Variants in HDAC9 observed in about 807,000 individuals in gnomAD.
HDAC9 encodes the protein MEF-2 interacting transcription repressor (MITR) protein.
A neutral mutation model predicts 139.4 loss-of-function variants in HDAC9; 41 were observed. The ratio of observed to expected loss-of-function variants is 0.29; its 90% CI spans 0.23 to 0.38. The LOEUF (loss-of-function observed/expected upper bound fraction) is 0.38, where lower values mean the gene tolerates loss of function less well. Among genes scored for constraint, HDAC9 ranks in the 10% least tolerant of loss-of-function variants. The pLI is 1.00. For synonymous variants in HDAC9, 517 were observed against 476.2 expected (o/e 1.09, Z -1.12); for missense variants, 1,147 against 1,297.0 (o/e 0.88, Z 1.78).
At chr7:18,180,226 TACACACACACACACAC>T (rs67304424) in intron 2 of HDAC9, among the ~76,000 whole-genome samples, 125 of 120,702 alleles carry the variant, frequency 1.0e-3, no homozygotes, top group African/African-American at 3.5e-3. Context: ...CCAAGACACA[TACACACACACACACAC>T]ACACACACAC....
At chr7:18,138,086 T>A (rs1785571261) in intron 1 of HDAC9, among the ~76,000 whole-genome samples, 1 of 152,230 alleles carries the variant, frequency 6.6e-6, no homozygotes, top group South Asian at 2.1e-4. Flanking sequence ...TTCTAGTTTA[T>A]TTGCATAGAG....
At position 18,886,021 on chromosome 7, in the gene HDAC9, T is replaced by C. The variant is rs117253232; in HGVS notation, c.2803+11425T>C. Among the ~76,000 whole-genome samples, 509 of 152,320 alleles carry C rather than the reference T, an allele frequency of 3.3e-3. 2 individuals carry two copies. Among genetic ancestry groups the C allele is most frequent in the Non-Finnish European group, 5.8e-3 (395 of 68,026 alleles). On this transcript the variant is annotated intron_variant, in intron 22 of 25. Transcript: ENST00000686413. Reference sequence around the variant, plus strand: ...ATGTAATAGAGTTCACTCATATATATTTAACAGCTAACAAAAAAAGCAACA... The same window carrying C: ...ATGTAATAGAGTTCACTCATATATACTTAACAGCTAACAAAAAAAGCAACA...
chr7:18,370,135 T>G (rs1299417022), intron 1 of HDAC9, among the ~76,000 whole-genome samples: 1 of 152,100 alleles, frequency 6.6e-6, no homozygotes, highest in Admixed American at 6.6e-5. Context: ...GAAAGTAAAT[T>G]TATTCGTGCA....
intron 2 of HDAC9, among the ~76,000 whole-genome samples, chr7:18,553,244 C>G (rs374243126): frequency 6.6e-6 from 1 of 152,030 alleles, no homozygotes; most frequent in Non-Finnish European, 1.5e-5. Context: ...TGAAACCTAA[C>G]GCTCCTGCTA....
At position 18,956,403 on chromosome 7, in the gene HDAC9, C is replaced by G. The variant is rs143772742; in HGVS notation, c.3022+2173C>G. Among the ~76,000 whole-genome samples the G allele has an allele frequency of 5.9e-5, 9 of 152,206 alleles. No homozygotes were observed. In the East Asian group the frequency reaches 1.6e-3, roughly 26 times the overall value. On this transcript the variant is annotated intron_variant, in intron 24 of 25. Transcript: ENST00000686413. ...GGTTGCTAAATTAGAGGATAATCAT[C>G]AGGAGGACAGGAATCATATCTTTTT...
At chr7:18,992,453 T>C (rs1423626822) in intron 25 of HDAC9, among the ~76,000 whole-genome samples, 1 of 152,142 alleles carries the variant, frequency 6.6e-6, no homozygotes, top group African/African-American at 2.4e-5. Flanking sequence ...AAAACAATAA[T>C]ACACAGCTTT....
rs79057850 is a variant in HDAC9, at chr7:18,392,756, A to T, written c.-42+102241A>T. Among the ~76,000 whole-genome samples, 786 of 152,140 alleles carry T rather than the reference A, an allele frequency of 5.2e-3. 5 individuals carry two copies. Among genetic ancestry groups the T allele is most frequent in the African/African-American group, 0.018 (743 of 41,516 alleles). On this transcript the variant is annotated intron_variant, in intron 1 of 3. Transcript: ENST00000413509. ...GAGGACATGATATTTCATTCTTCAC[A>T]TGGGAGGGGTCACTCAGATATGATT...
intron 1 of HDAC9, among the ~76,000 whole-genome samples, chr7:18,408,477 C>A (rs892531629): frequency 1.3e-5 from 2 of 152,160 alleles, no homozygotes; most frequent in Non-Finnish European, 2.9e-5. Flanking sequence ...TCTTAGGAGG[C>A]TAGTTCACAT....
chr7:18,382,912 T>G (rs1785569708), intron 1 of HDAC9, among the ~76,000 whole-genome samples: 1 of 152,198 alleles, frequency 6.6e-6, no homozygotes, highest in African/African-American at 2.4e-5. Context: ...TATATAAATG[T>G]GCAAATACAA....
At chr7:18,550,758 A>G (rs1480144249) in intron 2 of HDAC9, among the ~76,000 whole-genome samples, 1 of 152,206 alleles carries the variant, frequency 6.6e-6, no homozygotes, top group Non-Finnish European at 1.5e-5. Context: ...AACAGCAGGG[A>G]GATCAGAGTG....
At chr7:18,859,869 TGAGA>T (rs1255878525) in intron 21 of HDAC9, among the ~76,000 whole-genome samples, 40 of 94,030 alleles carry the variant, frequency 4.3e-4, no homozygotes, top group African/African-American at 1.3e-3. Flanking sequence ...TGTGAGAGAA[TGAGA>T]GAGAGAGAAA....
chr7:18,990,943 C>T (rs973617147), intron 25 of HDAC9, among the ~76,000 whole-genome samples: 18 of 152,376 alleles, frequency 1.2e-4, no homozygotes, highest in African/African-American at 4.3e-4. Context: ...CGCCCACTGT[C>T]TGGCACTCCC....
intron 25 of HDAC9, 44 bp from the exon 26 acceptor site, chr7:18,995,979 G>C: frequency 6.8e-7 from 1 of 1,476,824 alleles, no homozygotes. Flanking sequence ...CAATGTCATT[G>C]TGTACTCTTA....
rs548214080 is a variant in HDAC9 at position 19,000,621 on chromosome 7, T to A, written c.*4559T>A. 1 of 152,236 alleles carries A rather than the reference T, an allele frequency of 6.6e-6. No homozygotes were observed. The highest frequency in any genetic ancestry group is 1.5e-5 in the Non-Finnish European group (1 of 68,036). The allele number at this position is 152,236 out of a possible 1,614,324, so 9.4% of individuals were successfully genotyped here. A position where few individuals can be genotyped will look rare whatever the true frequency, so the allele number is the denominator to read the frequency against. On this transcript the variant is annotated 3_prime_UTR_variant, in exon 26 of 26. Coordinates refer to ENST00000686413, the MANE Select transcript of HDAC9 (RefSeq NM_178425.4). ...TGCTGGAAATAACTAGGTCAGACAATGAAACCTTAGACTTTTGATTGGGGC... is the reference window on the plus strand; with the variant it reads ...TGCTGGAAATAACTAGGTCAGACAAAGAAACCTTAGACTTTTGATTGGGGC...
chr7:18,396,082 C>G (rs1236197893), intron 1 of HDAC9, among the ~76,000 whole-genome samples: 1 of 95,532 alleles, frequency 1.0e-5, no homozygotes, highest in African/African-American at 4.4e-5. Flanking sequence ...AAGTGTCATT[C>G]CCTTCCCTTC....
chr7:18,679,897 A>AT (rs1234586134), intron 12 of HDAC9, among the ~76,000 whole-genome samples: 2 of 151,896 alleles, frequency 1.3e-5, no homozygotes, highest in African/African-American at 4.8e-5. Context: ...TACATTTTCT[A>AT]TGTCTCTAAG....
At chr7:18,362,805 A>C (rs1049679115) in intron 1 of HDAC9, among the ~76,000 whole-genome samples, 2 of 152,174 alleles carry the variant, frequency 1.3e-5, no homozygotes, top group African/African-American at 4.8e-5. Flanking sequence ...TCATATTTGA[A>C]GGTAGAGAAT....
At chr7:18,128,491 G>C (rs1444088048) in intron 1 of HDAC9, among the ~76,000 whole-genome samples, 5 of 152,094 alleles carry the variant, frequency 3.3e-5, no homozygotes, top group African/African-American at 1.2e-4. Context: ...GGCTTCAACA[G>C]AGTTGGGAAG....
chr7:18,148,733 T>G (rs1277538798), intron 1 of HDAC9, among the ~76,000 whole-genome samples: 1 of 152,210 alleles, frequency 6.6e-6, no homozygotes, highest in Non-Finnish European at 1.5e-5. Flanking sequence ...GTGCTGGGAT[T>G]ACAGGTGTGA....
Sources: gnomAD v4.1 joint callset for allele counts (sites outside exome capture counted in the v4.1 genomes callset) on GRCh38, gnomAD v4.1.1 for gene constraint, MANE v1.5 for transcripts, NCBI Gene and HGNC (gene_info 2026-07-23, HGNC 2026-07-21) for gene names.